The following TYR variants were observed in gnomAD, a reference collection of about 807,000 sequenced individuals.
TYR encodes the protein LB24-AB.
In TYR, 58 loss-of-function variants were observed where a neutral mutation model predicts 51.5. The ratio of observed to expected loss-of-function variants is 1.13; its 90% CI spans 0.91 to 1.40. The LOEUF (loss-of-function observed/expected upper bound fraction) is 1.40. Ranked by LOEUF, TYR falls within the 40% of genes most tolerant of loss-of-function variation. The pLI is 0.00. For synonymous variants in TYR, 263 were observed against 235.2 expected (o/e 1.12, Z -1.08); for missense variants, 732 against 647.4 (o/e 1.13, Z -1.42).
chr11:89,209,640 T>C (rs1943724579), intron 2 of TYR, among the ~76,000 whole-genome samples: 1 of 152,136 alleles, frequency 6.6e-6, no homozygotes, highest in Non-Finnish European at 1.5e-5. Flanking sequence ...GCTCCGATAA[T>C]GGACAGACGG....
chr11:89,229,899 AAAAT>A (rs1330067008), intron 3 of TYR, among the ~76,000 whole-genome samples: 2 of 152,072 alleles, frequency 1.3e-5, no homozygotes, highest in African/African-American at 4.8e-5. Context: ...GTAGAACACA[AAAAT>A]AAATAAAAAG....
At chr11:89,241,782 A>G (rs1328616087) in intron 3 of TYR, among the ~76,000 whole-genome samples, 2 of 148,012 alleles carry the variant, frequency 1.4e-5, no homozygotes, top group Non-Finnish European at 3.0e-5. Context: ...TATAATAGAT[A>G]TTATATAGTA....
rs1334267321 is a variant in TYR, at chr11:89,295,161, A to G, written c.1385A>G (p.Asp462Gly). The G allele has an allele frequency of 1.2e-6, 2 of 1,613,968 alleles. No individual in the cohort carries two copies. Among genetic ancestry groups the G allele is most frequent in the Admixed American group, 3.3e-5 (2 of 60,018 alleles). The change falls in exon 5 of 5, where the codon GAC becomes GGC. Residue 462 changes from aspartate (D) to glycine (G), a missense_variant. Transcript: ENST00000263321. ...LQDSDPDSFQ[D>G]YIKSYLEQAS... ...ATTTCAGACCCAGACTCTTTTCAAG[A>G]CTACATTAAGTCCTATTTGGAACAA... is the stretch of plus-strand genomic sequence containing the variant.
chr11:89,278,548 T>C (rs1414988441), intron 3 of TYR, among the ~76,000 whole-genome samples: 1 of 151,680 alleles, frequency 6.6e-6, no homozygotes. Context: ...AACGAATCAG[T>C]TCCCAAATAT....
intron 3 of TYR, among the ~76,000 whole-genome samples, chr11:89,280,713 T>G (rs1944711380): frequency 6.6e-6 from 1 of 151,592 alleles, no homozygotes; most frequent in African/African-American, 2.4e-5. Context: ...AGATTTTTTT[T>G]CTTCTCTGTT....
intron 3 of TYR, among the ~76,000 whole-genome samples, chr11:89,232,791 G>A (rs543617615): frequency 1.4e-5 from 2 of 142,824 alleles, no homozygotes; most frequent in Non-Finnish European, 3.0e-5. Context: ...TGCCTAAAAA[G>A]CAATTTATAT....
chr11:89,268,605 G>A (rs2135312785), intron 3 of TYR, among the ~76,000 whole-genome samples: 1 of 151,898 alleles, frequency 6.6e-6, no homozygotes, highest in Non-Finnish European at 1.5e-5. Context: ...ATTACATTTT[G>A]ATTTATTATA....
At position 89,178,790 on chromosome 11, in the gene TYR, T is replaced by G. The variant is rs1314294588; in HGVS notation, c.819+18T>G. ...CTTGGCAGGTAAGATATGCTAGATA[T>G]ACGATGTCAGAGTAGGGAGGAACCT... On this transcript the variant is annotated intron_variant, in intron 1 of 4. Coordinates refer to ENST00000263321, the MANE Select transcript of TYR (RefSeq NM_000372.5). 6.2e-7 allele frequency: 1 copy of G among 1,612,982 alleles called. No individual in the cohort carries two copies. Among genetic ancestry groups the G allele is most frequent in the Non-Finnish European group, 8.5e-7 (1 of 1,179,186 alleles).
intron 3 of TYR, among the ~76,000 whole-genome samples, chr11:89,232,639 C>T (rs1224610108): frequency 7.1e-6 from 1 of 141,394 alleles, no homozygotes; most frequent in Non-Finnish European, 1.5e-5. Context: ...TTCAATCATA[C>T]CCAAACTTCA....
chr11:89,261,128 A>T (rs578130034), intron 3 of TYR, among the ~76,000 whole-genome samples: 1 of 152,282 alleles, frequency 6.6e-6, no homozygotes, highest in Admixed American at 6.5e-5. Flanking sequence ...TATGTATTCA[A>T]CACAAAAGAA....
At chr11:89,181,112 T>C (rs1943294958) in intron 1 of TYR, among the ~76,000 whole-genome samples, 1 of 152,118 alleles carries the variant, frequency 6.6e-6, no homozygotes, top group Non-Finnish European at 1.5e-5. Flanking sequence ...CCTCCCAGGT[T>C]CAAGTGATTC....
Position 89,284,884 on chromosome 11 carries a change from G to T in TYR, c.1296G>T (p.Leu432=). The T allele has an allele frequency of 6.2e-7, 1 of 1,611,770 alleles. No individual in the cohort carries two copies. The highest frequency in any genetic ancestry group is 8.5e-7 in the Non-Finnish European group (1 of 1,178,474). The part of the protein sequence containing the change: ...RESYMVPFIP[L]YRNGDFFISS... ...CCTACATGGTTCCTTTTATACCACT[G>T]TACAGAAATGGTGATTTCTTTATTT... The change falls in exon 4 of 5, where the codon CTG becomes CTT. Residue 432 remains leucine (L), a synonymous_variant. Transcript: ENST00000263321.
intron 3 of TYR, among the ~76,000 whole-genome samples, chr11:89,258,248 C>T (rs1944418075): frequency 6.6e-6 from 1 of 152,002 alleles, no homozygotes. Context: ...GGAATTATGA[C>T]ACCTGATACC....
intron 3 of TYR, among the ~76,000 whole-genome samples, chr11:89,268,193 C>G (rs1944548580): frequency 6.6e-6 from 1 of 151,788 alleles, no homozygotes; most frequent in African/African-American, 2.4e-5. Flanking sequence ...CAAACGAGTT[C>G]CTGTATGTGA....
chr11:89,295,201 G>T lies in TYR; in HGVS notation c.1425G>T (p.Trp475Cys). 1 of 1,613,992 alleles carries T rather than the reference G, an allele frequency of 6.2e-7. No homozygotes were observed. Among genetic ancestry groups the T allele is most frequent in the Non-Finnish European group, 8.5e-7 (1 of 1,179,858 alleles). Reference sequence around the variant, plus strand: ...ATTTGGAACAAGCGAGTCGGATCTGGTCATGGCTCCTTGGGGCGGCGATGG... The same window carrying T: ...ATTTGGAACAAGCGAGTCGGATCTGTTCATGGCTCCTTGGGGCGGCGATGG... ...KSYLEQASRI[W>C]SWLLGAAMVG... The change falls in exon 5 of 5, where the codon TGG becomes TGT. Residue 475 changes from tryptophan (W) to cysteine (C), a missense_variant. Transcript: ENST00000263321.
chr11:89,255,179 C>T (rs1481944141), intron 3 of TYR, among the ~76,000 whole-genome samples: 1 of 151,536 alleles, frequency 6.6e-6, no homozygotes, highest in Non-Finnish European at 1.5e-5. Context: ...TGAGAGAGTA[C>T]TTGATATAAT....
intron 1 of TYR, among the ~76,000 whole-genome samples, 180 bp downstream of exon 1, chr11:89,178,952 T>G (rs981315778): frequency 6.6e-6 from 1 of 152,160 alleles, no homozygotes; most frequent in Non-Finnish European, 1.5e-5. Context: ...ACTTTAGATA[T>G]TTGTGTAATT....
intron 4 of TYR, among the ~76,000 whole-genome samples, chr11:89,290,357 T>C (rs945406186): frequency 6.6e-6 from 1 of 151,984 alleles, no homozygotes; most frequent in Non-Finnish European, 1.5e-5. Context: ...AGTGGAGCAA[T>C]AGTAAGAGAA....
At chr11:89,263,816 C>T (rs1262618850) in intron 3 of TYR, among the ~76,000 whole-genome samples, 2 of 151,980 alleles carry the variant, frequency 1.3e-5, no homozygotes, top group Admixed American at 1.3e-4. Flanking sequence ...AACTATAAAA[C>T]ACTATTGAAA....
Sources: gnomAD v4.1 joint callset for allele counts (sites outside exome capture counted in the v4.1 genomes callset) on GRCh38, gnomAD v4.1.1 for gene constraint, MANE v1.5 for transcripts, NCBI Gene and HGNC (gene_info 2026-07-23, HGNC 2026-07-21) for gene names.